Variants in KIF5C observed in about 807,000 individuals in gnomAD.
KIF5C encodes the protein kinesin family member 5C.
Under a neutral mutation model 125.2 loss-of-function variants are expected in KIF5C, and 18 were observed. The observed-to-expected ratio is 0.14, with a 90% CI of 0.10 to 0.21. The LOEUF (loss-of-function observed/expected upper bound fraction) is 0.21, where lower values mean the gene tolerates loss of function less well. KIF5C is among the 10% of genes least tolerant of loss of function. KIF5C has a pLI of 1.00. For missense variants in KIF5C, 780 were observed against 1,183.8 expected (o/e 0.66, Z 5.01); for synonymous variants, 405 against 434.0 (o/e 0.93, Z 0.83).
At chr2:148,955,379 A>C (rs1682767931) in intron 10 of KIF5C, among the ~76,000 whole-genome samples, 1 of 152,188 alleles carries the variant, frequency 6.6e-6, no homozygotes, top group Non-Finnish European at 1.5e-5. Context: ...ATTACTCTCA[A>C]TAATAAGGGC....
intron 13 of KIF5C, among the ~76,000 whole-genome samples, chr2:148,980,821 T>C (rs534659111): frequency 6.6e-6 from 1 of 152,118 alleles, no homozygotes; most frequent in Admixed American, 6.5e-5. Context: ...TTCTCCTGCC[T>C]CAGCTTCCCA....
At chr2:148,959,429 GT>G (rs1413530433) in intron 10 of KIF5C, among the ~76,000 whole-genome samples, 1 of 151,620 alleles carries the variant, frequency 6.6e-6, no homozygotes, top group Non-Finnish European at 1.5e-5. Flanking sequence ...ACCCCTTAGG[GT>G]TTTTTTGGGG....
chr2:148,890,105 A>G (rs1681663323), intron 1 of KIF5C, among the ~76,000 whole-genome samples: 1 of 152,200 alleles, frequency 6.6e-6, no homozygotes, highest in African/African-American at 2.4e-5. Flanking sequence ...TTTACTTAAG[A>G]AACTAACTGG....
chr2:148,966,353 T>TGC (rs1205494256), intron 11 of KIF5C, among the ~76,000 whole-genome samples: 126 of 149,372 alleles, frequency 8.4e-4, no homozygotes, highest in Non-Finnish European at 1.4e-3. Context: ...TGTGTGTGTG[T>TGC]GCGCGCGCGC....
At position 148,978,986 on chromosome 2, in the gene KIF5C, A is replaced by G. The variant is rs752398746; in HGVS notation, c.1358A>G (p.Asp453Gly). 12 of 1,585,436 alleles carry G rather than the reference A, an allele frequency of 7.6e-6. No homozygotes were observed. Among genetic ancestry groups the G allele is most frequent in the Non-Finnish European group, 3.4e-6 (4 of 1,165,804 alleles). ...EKLKQQMLDQ[D>G]ELLASTRRDY... ...CTGAAGCAACAGATGTTGGATCAGG[A>G]TGAGGTAAAGAATGCAATATATTTT... is the stretch of plus-strand genomic sequence containing the variant. The change falls in exon 13 of 26, where the codon GAT becomes GGT. Residue 453 changes from aspartate to glycine, a missense_variant. By Grantham distance (94) the Asp-to-Gly change is moderately conservative. Around this residue, in one of 2 missense-constraint regions of KIF5C, gnomAD observed 573 missense variants for 742.6 expected, o/e 0.77. Coordinates refer to ENST00000435030, the MANE Select transcript of KIF5C (RefSeq NM_004522.3).
At chr2:148,915,826 G>T (rs181085316) in intron 1 of KIF5C, among the ~76,000 whole-genome samples, 18 of 152,194 alleles carry the variant, frequency 1.2e-4, no homozygotes, top group African/African-American at 4.3e-4. Context: ...CATCACGTGA[G>T]TTCCCACTAG....
At chr2:148,933,478 A>G (rs1473048299) in intron 3 of KIF5C, among the ~76,000 whole-genome samples, 1 of 151,520 alleles carries the variant, frequency 6.6e-6, no homozygotes, top group Non-Finnish European at 1.5e-5. Flanking sequence ...AAACACACAC[A>G]CAGACATATG....
Position 148,876,446 on chromosome 2 carries a change from A to T in KIF5C, c.126+703A>T, listed in dbSNP as rs1288681901. 6.6e-6 allele frequency among the ~76,000 whole-genome samples: 1 copy of T among 151,968 alleles called. No individual in the cohort carries two copies. Among genetic ancestry groups the T allele is most frequent in the Non-Finnish European group, 1.5e-5 (1 of 67,964 alleles). ...TCCCCTCTGGGATGACCTCCCTCCC[A>T]TGTCTGCAGACCCTCTGATGCGCCT... is the stretch of plus-strand genomic sequence containing the variant. On this transcript the variant is annotated intron_variant, in intron 1 of 25. Coordinates refer to ENST00000435030, the MANE Select transcript of KIF5C (RefSeq NM_004522.3). The surrounding 1 kb of genome is among the most constrained non-coding windows in gnomAD (Gnocchi z 4.7).
intron 15 of KIF5C, among the ~76,000 whole-genome samples, chr2:148,984,740 G>A (rs1681330937): frequency 6.6e-6 from 1 of 152,146 alleles, no homozygotes; most frequent in Admixed American, 6.5e-5. Context: ...GACCAATCAT[G>A]ATGAATCCCT....
intron 14 of KIF5C, 97 bp downstream of exon 14, chr2:148,981,658 G>A: frequency 6.9e-7 from 1 of 1,451,072 alleles, no homozygotes; most frequent in Non-Finnish European, 9.1e-7. Context: ...GGAGGCAGTG[G>A]CTGAATAGTT....
Position 148,891,867 on chromosome 2 carries a change from T to C in KIF5C, c.126+16124T>C, listed in dbSNP as rs574484269. Among the ~76,000 whole-genome samples, 8 of 152,146 alleles carry C rather than the reference T, an allele frequency of 5.3e-5. No homozygotes were observed. The East Asian group carries it at 1.5e-3, about 29-fold the overall frequency. On this transcript the variant is annotated intron_variant, in intron 1 of 25. Coordinates refer to ENST00000435030, the MANE Select transcript of KIF5C (RefSeq NM_004522.3). Reference sequence around the variant, plus strand: ...CATGCACCACCATGCCTGGCTAATTTTTGTATTTTTAGTAGAGGTGGGGTT... The same window carrying C: ...CATGCACCACCATGCCTGGCTAATTCTTGTATTTTTAGTAGAGGTGGGGTT...
chr2:148,956,873 T>C (rs1366916492), intron 10 of KIF5C, among the ~76,000 whole-genome samples: 3 of 152,228 alleles, frequency 2.0e-5, no homozygotes, highest in African/African-American at 7.2e-5. Flanking sequence ...TATTTCTTTG[T>C]GAATGATCAG....
intron 3 of KIF5C, among the ~76,000 whole-genome samples, chr2:148,929,598 A>G (rs769742015): frequency 3.7e-4 from 56 of 152,376 alleles, no homozygotes; most frequent in Non-Finnish European, 6.9e-4. Flanking sequence ...CTATTCAGAA[A>G]CAATCATTGA....
chr2:148,899,185 T>A (rs1203986732), intron 1 of KIF5C, among the ~76,000 whole-genome samples: 1 of 152,198 alleles, frequency 6.6e-6, no homozygotes, highest in Non-Finnish European at 1.5e-5. Flanking sequence ...CCTTTTAATC[T>A]TATTTTTTTA....
chr2:148,979,256 G>C (rs1236366411), intron 13 of KIF5C, among the ~76,000 whole-genome samples: 3 of 152,146 alleles, frequency 2.0e-5, no homozygotes, highest in Non-Finnish European at 4.4e-5. Flanking sequence ...AGAGACCTTT[G>C]GTTGGGTGAT....
At chr2:149,011,888 G>T (rs78125383) in intron 25 of KIF5C, among the ~76,000 whole-genome samples, 1 of 152,188 alleles carries the variant, frequency 6.6e-6, no homozygotes, top group African/African-American at 2.4e-5. Flanking sequence ...GCTGTCTGGG[G>T]CCCATGGGAC....
chr2:148,953,154 A>G (rs1682708916), intron 10 of KIF5C, among the ~76,000 whole-genome samples: 1 of 152,228 alleles, frequency 6.6e-6, no homozygotes, highest in Admixed American at 6.5e-5. Context: ...TGAGTTTGTC[A>G]CAGACATTAG....
chr2:148,941,832 G>A lies in KIF5C; in HGVS notation c.446-103G>A, dbSNP rs1682413896. 4.0e-6 allele frequency: 6 copies of A among 1,494,586 alleles called. No homozygotes were observed. In the East Asian group the frequency reaches 1.4e-4, roughly 35 times the overall value. The allele number at this position is 1,494,586 out of a possible 1,614,324, so 92.6% of individuals were successfully genotyped here. A position where few individuals can be genotyped will look rare whatever the true frequency, so the allele number is the denominator to read the frequency against. ...GGCTTAAACTTGCATATTGCAAAGA[G>A]ATTAGATTTGACTGTCTTTGTAACA... is the stretch of plus-strand genomic sequence containing the variant. On this transcript the variant is annotated intron_variant, in intron 5 of 25. Transcript: ENST00000435030.
intron 16 of KIF5C, among the ~76,000 whole-genome samples, chr2:148,992,575 G>A (rs967810168): frequency 1.3e-5 from 2 of 152,156 alleles, no homozygotes; most frequent in Non-Finnish European, 2.9e-5. Flanking sequence ...ATAATATTAT[G>A]CAGCTCTTAT....
Sources: allele counts gnomAD v4.1 joint callset (sites outside exome capture counted in the v4.1 genomes callset), GRCh38; gene constraint gnomAD v4.1.1; regional missense constraint gnomAD v4.1.1; non-coding constraint Gnocchi (gnomAD v3.1); transcripts MANE v1.5; gene names NCBI Gene and HGNC (gene_info 2026-07-23, HGNC 2026-07-21).